Variants in MARCHF11 observed in about 807,000 individuals in gnomAD.
MARCHF11 encodes membrane associated ring-CH-type finger 11.
A neutral mutation model predicts 37.3 loss-of-function variants in MARCHF11; 29 were observed. The observed-to-expected ratio is 0.78, with a 90% CI of 0.58 to 1.06. MARCHF11 has a LOEUF of 1.06. Among genes scored for constraint, MARCHF11 ranks in the 50% least tolerant of loss-of-function variants. The probability of loss-of-function intolerance (pLI) is 0.00; values close to 1 mark genes in which losing one functional copy is unlikely to be tolerated. For missense variants in MARCHF11, 482 were observed against 533.4 expected (o/e 0.90, Z 0.95); for synonymous variants, 233 against 228.0 (o/e 1.02, Z -0.20).
At chr5:16,105,235 A>G (rs1737018174) in intron 2 of MARCHF11, among the ~76,000 whole-genome samples, 1 of 152,234 alleles carries the variant, frequency 6.6e-6, no homozygotes, top group South Asian at 2.1e-4. Flanking sequence ...TTCCACTGAC[A>G]TAAAGAACTG....
Position 16,133,478 on chromosome 5 carries a change from A to T in MARCHF11, c.694-42397T>A, listed in dbSNP as rs565969708. On this transcript the variant is annotated intron_variant, in intron 2 of 3. Transcript: ENST00000332432. ...CACAGAGGCATGAGAGAATCCAACA[A>T]GACCAAAAGACCACATAGATACATA... is the stretch of plus-strand genomic sequence containing the variant. Among the ~76,000 whole-genome samples, 86 of 152,330 alleles carry T rather than the reference A, an allele frequency of 5.6e-4. 1 individual carries two copies. The highest frequency in any genetic ancestry group is 2.0e-3 in the African/African-American group (82 of 41,582).
At position 16,081,796 on chromosome 5, in the gene MARCHF11, G is replaced by A. The variant is rs143777130; in HGVS notation, c.886+9093C>T. 5.9e-5 allele frequency among the ~76,000 whole-genome samples: 9 copies of A among 152,318 alleles called. No individual in the cohort carries two copies. The East Asian group carries it at 1.7e-3, about 29-fold the overall frequency. ...TCCATAAGAACTTGAATTTTACAGA[G>A]TCAAATAAGAGCAAAGTGTTAGGTT... On this transcript the variant is annotated intron_variant, in intron 3 of 3. Transcript: ENST00000332432.
chr5:16,128,100 A>T (rs1737446694), intron 2 of MARCHF11, among the ~76,000 whole-genome samples: 1 of 151,708 alleles, frequency 6.6e-6, no homozygotes, highest in South Asian at 2.1e-4. Flanking sequence ...TACTCATACC[A>T]CCCACGAAAC....
intron 2 of MARCHF11, among the ~76,000 whole-genome samples, chr5:16,123,799 G>A (rs529683001): frequency 1.3e-5 from 2 of 152,286 alleles, no homozygotes; most frequent in East Asian, 3.9e-4. Context: ...ATTTGCAAGA[G>A]ACTATTTTTA....
At chr5:16,108,373 A>AG (rs1365522619) in intron 2 of MARCHF11, among the ~76,000 whole-genome samples, 1 of 152,216 alleles carries the variant, frequency 6.6e-6, no homozygotes, top group Admixed American at 6.5e-5. Flanking sequence ...ATGTCCTGCG[A>AG]GGGGGGCCAG....
intron 3 of MARCHF11, among the ~76,000 whole-genome samples, chr5:16,080,354 C>A (rs1736586894): frequency 6.6e-6 from 1 of 152,146 alleles, no homozygotes; most frequent in African/African-American, 2.4e-5. Context: ...CTCTCCCTCC[C>A]CTTCCTGTTT....
chr5:16,092,125 T>A (rs1468616329), intron 2 of MARCHF11, among the ~76,000 whole-genome samples: 4 of 152,174 alleles, frequency 2.6e-5, no homozygotes, highest in Admixed American at 2.6e-4. Context: ...TTTACTTACC[T>A]TCAATCTGAA....
At chr5:16,081,228 A>G (rs988338355) in intron 3 of MARCHF11, among the ~76,000 whole-genome samples, 6 of 152,274 alleles carry the variant, frequency 3.9e-5, no homozygotes, top group South Asian at 2.1e-4. Context: ...CCTCTTCCTC[A>G]GGTGGAAAGT....
intron 2 of MARCHF11, among the ~76,000 whole-genome samples, chr5:16,100,250 C>T (rs1736933198): frequency 6.6e-6 from 1 of 152,170 alleles, no homozygotes. Context: ...TCTTCCCCAC[C>T]TTCCTCGGGG....
chr5:16,150,796 T>C (rs551030144), intron 2 of MARCHF11, among the ~76,000 whole-genome samples: 1 of 152,188 alleles, frequency 6.6e-6, no homozygotes, highest in Admixed American at 6.5e-5. Flanking sequence ...TTATAATTTA[T>C]GAGCTTTTAT....
chr5:16,140,411 T>G (rs964335853), intron 2 of MARCHF11, among the ~76,000 whole-genome samples: 2 of 152,164 alleles, frequency 1.3e-5, no homozygotes, highest in African/African-American at 4.8e-5. Context: ...AAAACCTGAA[T>G]GATGGGTCAT....
At chr5:16,170,776 C>G (rs947633030) in intron 2 of MARCHF11, among the ~76,000 whole-genome samples, 1 of 152,114 alleles carries the variant, frequency 6.6e-6, no homozygotes, top group Non-Finnish European at 1.5e-5. Flanking sequence ...GCTTGTCCCT[C>G]AGAATACAAG....
intron 2 of MARCHF11, among the ~76,000 whole-genome samples, chr5:16,133,855 C>A (rs1260266800): frequency 6.6e-6 from 1 of 151,952 alleles, no homozygotes; most frequent in East Asian, 1.9e-4. Flanking sequence ...TTGTTTTGGG[C>A]TGTATTCAAA....
intron 2 of MARCHF11, among the ~76,000 whole-genome samples, chr5:16,134,278 C>T (rs1035537810): frequency 1.3e-5 from 2 of 152,124 alleles, no homozygotes; most frequent in Non-Finnish European, 2.9e-5. Context: ...GTAATACAAT[C>T]ATGTGGGACG....
At chr5:16,162,166 A>T (rs1396856372) in intron 2 of MARCHF11, among the ~76,000 whole-genome samples, 2 of 151,946 alleles carry the variant, frequency 1.3e-5, no homozygotes, top group Non-Finnish European at 2.9e-5. Flanking sequence ...GAGCAAACTG[A>T]CCACCTGTTT....
chr5:16,074,709 G>T (rs1736489298), intron 3 of MARCHF11, among the ~76,000 whole-genome samples: 1 of 152,122 alleles, frequency 6.6e-6, no homozygotes, highest in East Asian at 1.9e-4. Context: ...TAAGGACAAT[G>T]AATTATTGTG....
chr5:16,124,916 C>T (rs1171215608), intron 2 of MARCHF11, among the ~76,000 whole-genome samples: 6 of 151,426 alleles, frequency 4.0e-5, no homozygotes, highest in Admixed American at 2.6e-4. Context: ...ACCTCTTAGT[C>T]GTTTCTAAGT....
chr5:16,067,639 T>C lies in MARCHF11; in HGVS notation c.1041A>G (p.Pro347=). The part of the protein sequence containing the change: ...ESSTSRTLWL[P]LTALRNRNLV... ...AGTTTCTGTTCCGCAGAGCTGTCAA[T>C]GGCAACCACAAAGTCCTACTTGTGG... The change falls in exon 4 of 4, where the codon CCA becomes CCG. Residue 347 remains proline (P), a synonymous_variant. Transcript: ENST00000332432. 6.2e-7 allele frequency: 1 copy of C among 1,614,002 alleles called. No individual in the cohort carries two copies. The highest frequency in any genetic ancestry group is 8.5e-7 in the Non-Finnish European group (1 of 1,179,876).
intron 2 of MARCHF11, among the ~76,000 whole-genome samples, chr5:16,137,283 C>A (rs764168301): frequency 7.9e-5 from 12 of 152,262 alleles, no homozygotes; most frequent in Admixed American, 6.5e-4. Flanking sequence ...ATCATAAGGG[C>A]AGGATTTTCC....
Sources: gnomAD v4.1 joint callset for allele counts (sites outside exome capture counted in the v4.1 genomes callset) on GRCh38, gnomAD v4.1.1 for gene constraint, MANE v1.5 for transcripts, NCBI Gene and HGNC (gene_info 2026-07-23, HGNC 2026-07-21) for gene names.